The following LARP4B variants were observed in gnomAD, a reference collection of about 807,000 sequenced individuals.
The protein encoded by LARP4B is La ribonucleoprotein 4B.
In LARP4B, 12 loss-of-function variants were observed where a neutral mutation model predicts 89.8. The ratio of observed to expected loss-of-function variants is 0.13; its 90% CI spans 0.09 to 0.22. The LOEUF (loss-of-function observed/expected upper bound fraction) is 0.22, where lower values mean the gene tolerates loss of function less well. Ranked by LOEUF, LARP4B falls within the 10% of genes least tolerant of loss-of-function variation. LARP4B has a pLI of 1.00. For missense variants in LARP4B, 757 were observed against 947.7 expected (o/e 0.80, Z 2.64); for synonymous variants, 367 against 363.3 (o/e 1.01, Z -0.12).
At position 884,484 on chromosome 10, in the gene LARP4B, G is replaced by T; in HGVS notation, c.104C>A (p.Thr35Asn). 6.2e-7 allele frequency: 1 copy of T among 1,606,256 alleles called. No individual in the cohort carries two copies. The highest frequency in any genetic ancestry group is 8.5e-7 in the Non-Finnish European group (1 of 1,173,084). ...AHLMNGPISQ[T>N]TSQTSSIPPL... is the part of the protein sequence containing the mutation. The stretch of plus-strand genomic sequence containing the variant: ...TGGGATGGAACTTGTCTGAGAAGTG[G>T]TTTGAGATATAGGACCATTCATCTG... The change falls in exon 3 of 18, where the codon ACC becomes AAC. Residue 35 changes from threonine (T) to asparagine (N), a missense_variant. This residue lies in a region of LARP4B where 175 missense variants were observed against 187.0 expected (regional missense o/e 0.94). Coordinates refer to ENST00000316157, the MANE Select transcript of LARP4B (RefSeq NM_015155.3).
the LARP4B span, among the ~76,000 whole-genome samples, chr10:939,745 G>T: frequency 6.6e-6 from 1 of 152,250 alleles, no homozygotes; most frequent in Non-Finnish European, 1.5e-5. Context: ...TTGAGGATTG[G>T]ATGTTTCAGG....
At chr10:900,803 G>A (rs1401714214) in intron 1 of LARP4B, among the ~76,000 whole-genome samples, 1 of 150,354 alleles carries the variant, frequency 6.7e-6, no homozygotes, top group East Asian at 2.0e-4. Flanking sequence ...TATGTTTAGA[G>A]AGACGATGTT....
intron 3 of LARP4B, among the ~76,000 whole-genome samples, chr10:869,358 C>T (rs923417305): frequency 2.6e-5 from 4 of 152,072 alleles, no homozygotes; most frequent in Non-Finnish European, 4.4e-5. Context: ...AACACTGCGG[C>T]CAGGAAGACA....
At chr10:934,740 ACCAT>A (rs1830725749), upstream of LARP4B, among the ~76,000 whole-genome samples, 1 of 152,154 alleles carries the variant, frequency 6.6e-6, no homozygotes, top group Non-Finnish European at 1.5e-5. Context: ...AATTTCTCAA[ACCAT>A]GATCAGATAC....
Position 825,151 on chromosome 10 carries a change from G to T in LARP4B, c.1398C>A (p.Asn466Lys). ...CCTCTCTCTTGGCATATGCTGAAGG[G>T]TTTTGAATCCGTGTTCTAGTTTGAC... The part of the protein sequence containing the change: ...QAGQTRTRIQ[N>K]PSAYAKREAG... The change falls in exon 13 of 18, where the codon AAC (asparagine) becomes AAA (lysine). Residue 466 changes from asparagine (N) to lysine (K), a missense_variant. By Grantham distance (94) the Asn-to-Lys change is moderately conservative (BLOSUM62 0). Transcript: ENST00000316157. 6.2e-7 allele frequency: 1 copy of T among 1,614,216 alleles called. No homozygotes were observed. The highest frequency in any genetic ancestry group is 8.5e-7 in the Non-Finnish European group (1 of 1,180,046).
upstream of LARP4B, among the ~76,000 whole-genome samples, chr10:934,121 C>T (rs914863172): frequency 2.0e-5 from 3 of 151,964 alleles, no homozygotes; most frequent in African/African-American, 7.2e-5. Context: ...CGTGAGCCAC[C>T]GTTCCCGGCT....
At chr10:981,975 G>A in the LARP4B span, among the ~76,000 whole-genome samples, 8 of 152,132 alleles carry the variant, frequency 5.3e-5, no homozygotes, top group Non-Finnish European at 7.3e-5. Context: ...GTCTGAAATT[G>A]CCTGAATCTA....
chr10:939,081 A>T, the LARP4B span, among the ~76,000 whole-genome samples: 1 of 152,232 alleles, frequency 6.6e-6, no homozygotes. Flanking sequence ...GAGATGAAGG[A>T]TTTTAATTCG....
intron 7 of LARP4B, 125 bp downstream of exon 7, chr10:842,807 C>T (rs968460849): frequency 3.6e-6 from 3 of 829,642 alleles, no homozygotes; most frequent in African/African-American, 3.5e-5. Flanking sequence ...GAACGGAAGG[C>T]CAGAAAAGAA....
the LARP4B span, among the ~76,000 whole-genome samples, chr10:980,489 T>C: frequency 6.6e-6 from 1 of 152,250 alleles, no homozygotes; most frequent in African/African-American, 2.4e-5. Flanking sequence ...CTCTGAAATC[T>C]AGGTGGAGGC....
chr10:905,509 G>A (rs1836464434), intron 1 of LARP4B, among the ~76,000 whole-genome samples: 1 of 152,192 alleles, frequency 6.6e-6, no homozygotes, highest in Non-Finnish European at 1.5e-5. Flanking sequence ...ACCGAAGTCA[G>A]GATCCTATCT....
Position 812,902 on chromosome 10 carries a change from C to T in LARP4B, c.*24G>A, listed in dbSNP as rs375294911. On this transcript the variant is annotated 3_prime_UTR_variant, in exon 18 of 18. Coordinates refer to ENST00000316157, the MANE Select transcript of LARP4B (RefSeq NM_015155.3). ...CGTTTGTGGTTAACACAGCGCTCTG[C>T]GACCCCTCCCAGACGTACGGTTTTC... is the stretch of plus-strand genomic sequence containing the variant. 2.9e-5 allele frequency: 44 copies of T among 1,514,344 alleles called. No homozygotes were observed. In the South Asian group the frequency reaches 3.2e-4, roughly 11 times the overall value. The allele number at this position is 1,514,344 out of a possible 1,614,324, so 93.8% of individuals were successfully genotyped here.
At chr10:908,307 G>GC (rs1836551152) in intron 1 of LARP4B, among the ~76,000 whole-genome samples, 11 of 152,082 alleles carry the variant, frequency 7.2e-5, no homozygotes. Flanking sequence ...GGGCATGGGA[G>GC]CCCCTTGCCC....
At chr10:969,030 C>T in the LARP4B span, among the ~76,000 whole-genome samples, 1 of 152,282 alleles carries the variant, frequency 6.6e-6, no homozygotes, top group Admixed American at 6.5e-5. Flanking sequence ...GGCCTTGGCA[C>T]CGTATCTTAA....
intron 3 of LARP4B, among the ~76,000 whole-genome samples, chr10:872,840 A>G (rs181995875): frequency 5.9e-5 from 9 of 152,244 alleles, no homozygotes; most frequent in Admixed American, 5.2e-4. Context: ...ATTCTCACCC[A>G]AGTTTTCATA....
chr10:906,582 CCTT>C (rs1248934037), intron 1 of LARP4B, among the ~76,000 whole-genome samples: 1 of 152,292 alleles, frequency 6.6e-6, no homozygotes, highest in Non-Finnish European at 1.5e-5. Context: ...CTCCTTGTCT[CCTT>C]GAGTTATGCT....
the LARP4B span, among the ~76,000 whole-genome samples, chr10:977,981 G>A: frequency 2.0e-5 from 3 of 152,180 alleles, no homozygotes; most frequent in African/African-American, 7.2e-5. Flanking sequence ...CGCCTAGGGT[G>A]TGCCAGATGA....
chr10:833,267 A>C (rs948649046), intron 8 of LARP4B, among the ~76,000 whole-genome samples: 2 of 148,872 alleles, frequency 1.3e-5, no homozygotes, highest in Non-Finnish European at 3.0e-5. Context: ...AAAAAAAAAA[A>C]AAAAAAAAAA....
chr10:835,960 G>T (rs1443632828), intron 8 of LARP4B, among the ~76,000 whole-genome samples: 1 of 151,876 alleles, frequency 6.6e-6, no homozygotes, highest in African/African-American at 2.4e-5. Flanking sequence ...TACTCCCCAA[G>T]TTACCAGTTC....
Sources: allele counts gnomAD v4.1 joint callset (sites outside exome capture counted in the v4.1 genomes callset), GRCh38; gene constraint gnomAD v4.1.1; regional missense constraint gnomAD v4.1.1; transcripts MANE v1.5; gene names NCBI Gene and HGNC (gene_info 2026-07-23, HGNC 2026-07-21).